The following BAIAP2 variants were observed in gnomAD, a reference collection of about 807,000 sequenced individuals.
BAIAP2 encodes the protein BAR/IMD domain containing adaptor protein 2, also known as BAR/IMD domain-containing adapter protein 2.
In BAIAP2, 18 loss-of-function variants were observed where a neutral mutation model predicts 63.0. The ratio of observed to expected loss-of-function variants is 0.29; its 90% confidence interval spans 0.20 to 0.42. The LOEUF is 0.42. BAIAP2 is among the 10% of genes least tolerant of loss of function. The pLI, the probability that BAIAP2 is intolerant of heterozygous loss-of-function variation, is 1.00. For missense variants in BAIAP2, 610 were observed against 734.3 expected, an observed-to-expected ratio of 0.83 and a Z score of 1.96; for synonymous variants, 386 against 307.6, an observed-to-expected ratio of 1.25 and a Z score of -2.67.
chr17:81,066,014 C>T (rs2051392534), intron 3 of BAIAP2, among the ~76,000 whole-genome samples: 1 of 152,268 alleles, frequency 6.6e-6, no homozygotes, highest in Non-Finnish European at 1.5e-5. Flanking sequence ...GTCAGACCCG[C>T]ATGTCCAGCC....
At chr17:81,095,964 T>A (rs2057547796) in intron 6 of BAIAP2, among the ~76,000 whole-genome samples, 1 of 152,100 alleles carries the variant, frequency 6.6e-6, no homozygotes, top group Non-Finnish European at 1.5e-5. Context: ...TACCGTAGCC[T>A]AAAAACCCAG....
chr17:81,113,661 T>G (rs2060169380), intron 13 of BAIAP2, among the ~76,000 whole-genome samples: 1 of 152,012 alleles, frequency 6.6e-6, no homozygotes, highest in South Asian at 2.1e-4. Flanking sequence ...ACACAGCATT[T>G]GCAGCCCCAG....
intron 13 of BAIAP2, chr17:81,109,372 T>TAAAAAAAAAAAAAAAAAAAAAAAAAAA (rs747875777): frequency 1.3e-6 from 1 of 757,188 alleles, no homozygotes; most frequent in Admixed American, 7.7e-5. Context: ...AGAAAAATCT[T>TAAAAAAAAAAAAAAAAAAAAAAAAAAA]AAAAAAAAAA....
At chr17:81,102,544 C>T (rs945490598) in intron 7 of BAIAP2, among the ~76,000 whole-genome samples, 1 of 152,246 alleles carries the variant, frequency 6.6e-6, no homozygotes, top group Non-Finnish European at 1.5e-5. Flanking sequence ...AGCTGTGTTG[C>T]AATAAAACTT....
In BAIAP2 at chr17:81,116,314, T is replaced by C. The variant is rs1351329688; in HGVS notation, c.*475T>C. On this transcript the variant is annotated 3_prime_UTR_variant, in exon 14 of 14. Transcript: ENST00000428708. ...CCCTGGCTGGAAGATGAACTTCCCG[T>C]AAGCACGTAATTCCCTGCAGGTCCG... 1.1e-5 allele frequency: 18 copies of C among 1,612,644 alleles called. No individual in the cohort carries two copies. Among genetic ancestry groups the C allele is most frequent in the Admixed American group, 5.0e-5 (3 of 60,002 alleles).
intron 3 of BAIAP2, among the ~76,000 whole-genome samples, chr17:81,067,794 A>T (rs1400190068): frequency 6.6e-6 from 1 of 152,354 alleles, no homozygotes; most frequent in South Asian, 2.1e-4. Flanking sequence ...CGGCCAGAGC[A>T]GGGAGGACAG....
Position 81,116,181 on chromosome 17 carries a change from G to A in BAIAP2, c.*342G>A. The A allele has an allele frequency of 6.2e-7, 1 of 1,607,096 alleles. No individual in the cohort carries two copies. On this transcript the variant is annotated 3_prime_UTR_variant, in exon 14 of 14. Coordinates refer to ENST00000428708, the MANE Select transcript of BAIAP2 (RefSeq NM_001144888.2). ...AGCTGGTGGCTGGGAGGGGAGCCTG[G>A]CTGCCCTGCTGCTTCTCCTGCCTAA...
intron 1 of BAIAP2, among the ~76,000 whole-genome samples, chr17:81,049,843 T>C (rs1022652398): frequency 6.6e-6 from 1 of 152,132 alleles, no homozygotes; most frequent in South Asian, 2.1e-4. Context: ...GAGGTGGAAG[T>C]GGAGGCGGGA....
intron 13 of BAIAP2, among the ~76,000 whole-genome samples, chr17:81,114,661 C>T (rs115203937): frequency 6.6e-6 from 1 of 152,198 alleles, no homozygotes; most frequent in Non-Finnish European, 1.5e-5. Flanking sequence ...TGTAGTGTTT[C>T]AAGTTCTTAG....
intron 1 of BAIAP2, 27 bp downstream of exon 1, chr17:81,035,335 G>C: frequency 7.4e-7 from 1 of 1,356,608 alleles, no homozygotes; most frequent in Non-Finnish European, 9.6e-7. Flanking sequence ...GCCGAGCTGA[G>C]CCCGCTCCGT....
intron 3 of BAIAP2, among the ~76,000 whole-genome samples, chr17:81,071,072 G>T (rs975445653): frequency 6.6e-6 from 1 of 150,756 alleles, no homozygotes; most frequent in Non-Finnish European, 1.5e-5. Context: ...GTCAGCTACC[G>T]TCATCACCAT....
At chr17:81,099,142 A>ATCTTGCTGTCCCCGTGGATGCTGG (rs1555678301) in intron 6 of BAIAP2, among the ~76,000 whole-genome samples, 57 of 150,396 alleles carry the variant, frequency 3.8e-4, no homozygotes, top group Admixed American at 7.3e-4. Flanking sequence ...TGTGGATCTG[A>ATCTTGCTGTCCCCGTGGATGCTGG]TCTTGCTGTC....
chr17:81,110,280 G>A (rs999009016), intron 13 of BAIAP2: 130 of 985,800 alleles, frequency 1.3e-4, no homozygotes, highest in Non-Finnish European at 1.5e-4. Flanking sequence ...GCTCAAGGGC[G>A]GACCGGGCCC....
At chr17:81,089,817 C>G (rs2056402370) in intron 6 of BAIAP2, among the ~76,000 whole-genome samples, 1 of 152,118 alleles carries the variant, frequency 6.6e-6, no homozygotes. Context: ...GCGGAGAGGG[C>G]AGGCAGGGCC....
At chr17:81,073,260 T>A (rs1260638339) in intron 3 of BAIAP2, among the ~76,000 whole-genome samples, 1 of 152,102 alleles carries the variant, frequency 6.6e-6, no homozygotes, top group African/African-American at 2.4e-5. Context: ...TGCAGTCTCT[T>A]GGTTACCCAG....
At chr17:81,039,118 A>C (rs936725690) in intron 1 of BAIAP2, among the ~76,000 whole-genome samples, 1 of 152,164 alleles carries the variant, frequency 6.6e-6, no homozygotes, top group Non-Finnish European at 1.5e-5. Flanking sequence ...CATTTTCTCT[A>C]CATGTGCATG....
Position 81,110,855 on chromosome 17 carries a change from G to A in BAIAP2, c.1535+2346G>A, listed in dbSNP as rs866384327. Reference sequence around the variant, plus strand: ...GCTCGCCCGTGGTCCCCCCTCCTCTGCACCCCCGAGTCCTCAGACCCCATG... The same window carrying A: ...GCTCGCCCGTGGTCCCCCCTCCTCTACACCCCCGAGTCCTCAGACCCCATG... On this transcript the variant is annotated intron_variant, in intron 13 of 13. Transcript: ENST00000428708. 48 of 1,607,880 alleles carry A rather than the reference G, an allele frequency of 3.0e-5. No individual in the cohort carries two copies. The Middle Eastern group carries it at 6.6e-4, about 22-fold the overall frequency.
intron 13 of BAIAP2, among the ~76,000 whole-genome samples, chr17:81,111,611 G>A (rs2059937055): frequency 1.3e-5 from 2 of 152,264 alleles, no homozygotes; most frequent in African/African-American, 4.8e-5. Flanking sequence ...TCACTCCGGG[G>A]ACCACAGGGC....
intron 6 of BAIAP2, among the ~76,000 whole-genome samples, chr17:81,096,526 G>A (rs1041584634): frequency 6.6e-6 from 1 of 151,926 alleles, no homozygotes; most frequent in African/African-American, 2.4e-5. Flanking sequence ...GGCGGCCTTG[G>A]AACAGGCCTG....
Sources: allele counts gnomAD v4.1 joint callset (sites outside exome capture counted in the v4.1 genomes callset), GRCh38; gene constraint gnomAD v4.1.1; transcripts MANE v1.5; gene names NCBI Gene and HGNC (gene_info 2026-07-23, HGNC 2026-07-21).